The following CPE variants were observed in gnomAD, a reference collection of about 807,000 sequenced individuals.
CPE encodes carbocypeptidase E.
Under a neutral mutation model 53.5 loss-of-function variants are expected in CPE, and 17 were observed. The observed-to-expected ratio is 0.32, with a 90% CI of 0.22 to 0.48. The LOEUF (loss-of-function observed/expected upper bound fraction) is 0.48, where lower values mean the gene tolerates loss of function less well. CPE is among the 20% of genes least tolerant of loss of function. The pLI, the probability that CPE is intolerant of heterozygous loss-of-function variation, is 0.99. For synonymous variants in CPE, 226 were observed against 228.8 expected (o/e 0.99, Z 0.11); for missense variants, 524 against 614.7 (o/e 0.85, Z 1.56).
At chr4:165,448,419 T>C (rs1731751789) in intron 1 of CPE, among the ~76,000 whole-genome samples, 1 of 152,188 alleles carries the variant, frequency 6.6e-6, no homozygotes, top group Non-Finnish European at 1.5e-5. Context: ...GGCAGTCAAG[T>C]GGTGGAGCCA....
At chr4:165,391,244 G>T (rs1730674126) in intron 1 of CPE, among the ~76,000 whole-genome samples, 3 of 152,076 alleles carry the variant, frequency 2.0e-5, no homozygotes, top group Admixed American at 2.0e-4. Flanking sequence ...CAATGAGAAT[G>T]CATTTCTTAA....
At chr4:165,403,352 G>T (rs543343854) in intron 1 of CPE, among the ~76,000 whole-genome samples, 1 of 152,272 alleles carries the variant, frequency 6.6e-6, no homozygotes, top group East Asian at 1.9e-4. Flanking sequence ...TTGAGGCCAT[G>T]AAACACATGT....
At chr4:165,419,885 ACT>A (rs1261076659) in intron 1 of CPE, among the ~76,000 whole-genome samples, 1 of 152,040 alleles carries the variant, frequency 6.6e-6, no homozygotes, top group Non-Finnish European at 1.5e-5. Context: ...AAAAATCTAA[ACT>A]CTATTTTCTG....
intron 1 of CPE, among the ~76,000 whole-genome samples, chr4:165,443,030 A>G (rs1490606153): frequency 1.3e-5 from 2 of 152,124 alleles, no homozygotes; most frequent in Admixed American, 1.3e-4. Flanking sequence ...ACTTTCAATA[A>G]ACACTTGTGT....
chr4:165,473,001 A>C (rs1732235706), intron 3 of CPE, among the ~76,000 whole-genome samples: 1 of 152,234 alleles, frequency 6.6e-6, no homozygotes, highest in East Asian at 1.9e-4. Context: ...TCTTTCTAGC[A>C]TCTAGGGGGC....
At chr4:165,482,010 T>G (rs1732423171) in intron 3 of CPE, among the ~76,000 whole-genome samples, 1 of 152,208 alleles carries the variant, frequency 6.6e-6, no homozygotes, top group Non-Finnish European at 1.5e-5. Context: ...AATAAAACTT[T>G]GAAAGAAATT....
chr4:165,395,557 T>C (rs1408831573), intron 1 of CPE, among the ~76,000 whole-genome samples: 1 of 152,208 alleles, frequency 6.6e-6, no homozygotes, highest in Non-Finnish European at 1.5e-5. Context: ...TTATCTTATA[T>C]AAATGGATTA....
chr4:165,448,192 A>G (rs1731748765), intron 1 of CPE, among the ~76,000 whole-genome samples: 1 of 152,218 alleles, frequency 6.6e-6, no homozygotes, highest in East Asian at 1.9e-4. Context: ...AGAGAGAGGA[A>G]AGGAGATTAT....
intron 1 of CPE, among the ~76,000 whole-genome samples, chr4:165,418,574 TTAGAA>T (rs1232399442): frequency 3.9e-5 from 6 of 152,212 alleles, no homozygotes; most frequent in African/African-American, 1.4e-4. Flanking sequence ...CGTTATTCCA[TTAGAA>T]TAGAAGTTTT....
chr4:165,402,525 G>C (rs1295331311), intron 1 of CPE, among the ~76,000 whole-genome samples: 1 of 152,174 alleles, frequency 6.6e-6, no homozygotes, highest in Non-Finnish European at 1.5e-5. Flanking sequence ...TGAATGACTT[G>C]ACACTATCTC....
chr4:165,448,206 C>CT (rs1333132463), intron 1 of CPE, among the ~76,000 whole-genome samples: 2 of 152,242 alleles, frequency 1.3e-5, no homozygotes. Flanking sequence ...AGATTATGAA[C>CT]TTTTCAAAAA....
At chr4:165,486,760 C>A (rs189769084) in intron 5 of CPE, among the ~76,000 whole-genome samples, 1 of 152,178 alleles carries the variant, frequency 6.6e-6, no homozygotes, top group Admixed American at 6.5e-5. Flanking sequence ...ACATTCCCCA[C>A]ATTTTTCCTC....
chr4:165,454,139 C>T (rs894137815), intron 1 of CPE, among the ~76,000 whole-genome samples: 2 of 152,124 alleles, frequency 1.3e-5, no homozygotes, highest in Non-Finnish European at 2.9e-5. Flanking sequence ...TTAAAAAAGC[C>T]TCTCATATGC....
intron 1 of CPE, among the ~76,000 whole-genome samples, chr4:165,401,268 C>T (rs940281939): frequency 5.9e-5 from 9 of 152,178 alleles, no homozygotes; most frequent in Non-Finnish European, 1.3e-4. Context: ...GACAGGCTCA[C>T]TCATAACAAC....
chr4:165,460,765 G>A (rs921687140), intron 1 of CPE, among the ~76,000 whole-genome samples: 1 of 152,096 alleles, frequency 6.6e-6, no homozygotes, highest in Non-Finnish European at 1.5e-5. Context: ...TGATATTTAA[G>A]CTTAGAATTT....
chr4:165,414,939 A>C (rs1294982676), intron 1 of CPE: 2 of 152,192 alleles, frequency 1.3e-5, no homozygotes, highest in Non-Finnish European at 1.5e-5. Flanking sequence ...TTTAAAAAAA[A>C]AAACAAAATA....
rs72705408 is a variant in CPE at position 165,498,495 on chromosome 4, G to A, written c.*885G>A. 0.052 allele frequency among the ~76,000 whole-genome samples: 7,906 copies of A among 152,200 alleles called. 345 individuals carry two copies. The highest frequency in any genetic ancestry group is 0.19 in the East Asian group (987 of 5,184). The stretch of plus-strand genomic sequence containing the variant: ...GCCTCTATGTATGTTATTGTGGCAG[G>A]CAAAAGGTTCTGATTTTGGGCACAA... On this transcript the variant is annotated 3_prime_UTR_variant, in exon 9 of 9. Coordinates refer to ENST00000402744, the MANE Select transcript of CPE (RefSeq NM_001873.4).
At chr4:165,383,085 T>C (rs1229207232) in intron 1 of CPE, among the ~76,000 whole-genome samples, 1 of 152,180 alleles carries the variant, frequency 6.6e-6, no homozygotes, top group East Asian at 1.9e-4. Context: ...GTCTCATCTT[T>C]TCAGACATTG....
intron 1 of CPE, among the ~76,000 whole-genome samples, chr4:165,396,561 C>G (rs1052928211): frequency 6.6e-6 from 1 of 151,758 alleles, no homozygotes; most frequent in Non-Finnish European, 1.5e-5. Context: ...ATCCCAGCTA[C>G]TCTGGAGGCT....
Sources: allele counts gnomAD v4.1 joint callset (sites outside exome capture counted in the v4.1 genomes callset), GRCh38; gene constraint gnomAD v4.1.1; transcripts MANE v1.5; gene names NCBI Gene and HGNC (gene_info 2026-07-23, HGNC 2026-07-21).